DCC: variants seen among roughly 807,000 people sequenced by gnomAD.
DCC encodes the protein netrin receptor DCC.
In DCC, 58 loss-of-function variants were observed where a neutral mutation model predicts 172.5. The ratio of observed to expected loss-of-function variants is 0.34; its 90% confidence interval spans 0.27 to 0.42. The LOEUF is 0.42. DCC is among the 10% of genes least tolerant of loss of function. The probability of loss-of-function intolerance (pLI) is 1.00; values close to 1 mark genes in which losing one functional copy is unlikely to be tolerated. For synonymous variants in DCC, 709 were observed against 644.5 expected (o/e 1.10, Z -1.52); for missense variants, 1,740 against 1,791.0 (o/e 0.97, Z 0.51).
At chr18:52,881,892 G>A (rs763897349) in intron 2 of DCC, among the ~76,000 whole-genome samples, 1 of 152,052 alleles carries the variant, frequency 6.6e-6, no homozygotes, top group Non-Finnish European at 1.5e-5. Context: ...GCTTTGAGTA[G>A]TGTGGAAATT....
At chr18:52,549,634 A>G (rs2032709829) in intron 1 of DCC, among the ~76,000 whole-genome samples, 1 of 152,132 alleles carries the variant, frequency 6.6e-6, no homozygotes, top group South Asian at 2.1e-4. Flanking sequence ...ACCATGGTCT[A>G]GGACATTCAT....
intron 1 of DCC, among the ~76,000 whole-genome samples, chr18:52,466,347 G>A (rs1988785316): frequency 6.6e-6 from 1 of 152,116 alleles, no homozygotes; most frequent in Admixed American, 6.5e-5. Context: ...AATCAACGAA[G>A]TACAGCTATG....
intron 1 of DCC, among the ~76,000 whole-genome samples, chr18:52,720,522 C>T (rs1490921047): frequency 2.6e-5 from 4 of 152,148 alleles, no homozygotes; most frequent in African/African-American, 9.7e-5. Context: ...AATACTGGCA[C>T]ATGATACCTC....
intron 12 of DCC, among the ~76,000 whole-genome samples, chr18:53,259,748 A>G (rs1232336146): frequency 3.3e-5 from 5 of 152,124 alleles, no homozygotes; most frequent in Middle Eastern, 3.4e-3. Context: ...ATGAATTTGA[A>G]TATTGGCCTG....
chr18:53,334,284 A>G (rs1046157940), intron 14 of DCC, among the ~76,000 whole-genome samples: 4 of 152,178 alleles, frequency 2.6e-5, no homozygotes, highest in African/African-American at 9.7e-5. Context: ...AGTCAAGACC[A>G]TTTAAGATCT....
chr18:53,094,022 C>T (rs1044525954), intron 7 of DCC, among the ~76,000 whole-genome samples: 1 of 152,048 alleles, frequency 6.6e-6, no homozygotes, highest in Non-Finnish European at 1.5e-5. Context: ...AGTCGTCACC[C>T]ACAGAATTAT....
chr18:53,427,080 T>C (rs1911019240), intron 21 of DCC, among the ~76,000 whole-genome samples: 1 of 152,148 alleles, frequency 6.6e-6, no homozygotes, highest in Non-Finnish European at 1.5e-5. Context: ...CTTTTATGGA[T>C]CATTCCGTGG....
At chr18:52,743,461 A>C (rs1442533809) in intron 1 of DCC, among the ~76,000 whole-genome samples, 2 of 152,088 alleles carry the variant, frequency 1.3e-5, no homozygotes, top group Non-Finnish European at 2.9e-5. Context: ...GTTGGGCTGG[A>C]AAAAAAATTT....
At chr18:52,504,721 T>G (rs533258844) in intron 1 of DCC, among the ~76,000 whole-genome samples, 1 of 152,252 alleles carries the variant, frequency 6.6e-6, no homozygotes, top group Admixed American at 6.5e-5. Context: ...CACTCTCTCC[T>G]CCTGCTTCCC....
intron 2 of DCC, among the ~76,000 whole-genome samples, chr18:52,803,723 G>T (rs570348297): frequency 6.6e-6 from 1 of 152,102 alleles, no homozygotes; most frequent in South Asian, 2.1e-4. Flanking sequence ...TTCACACCTA[G>T]GTTGCTCAAG....
chr18:52,806,005 G>A (rs996261298), intron 2 of DCC, among the ~76,000 whole-genome samples: 1 of 152,180 alleles, frequency 6.6e-6, no homozygotes, highest in African/African-American at 2.4e-5. Context: ...CATGCTTGAG[G>A]TTTAAGGTGA....
chr18:52,962,103 C>A (rs1238918336), intron 5 of DCC, among the ~76,000 whole-genome samples: 3 of 150,042 alleles, frequency 2.0e-5, no homozygotes, highest in Non-Finnish European at 3.0e-5. Flanking sequence ...CCAAAATTGA[C>A]AAATGGGATC....
At chr18:53,227,246 A>G (rs576100743) in intron 12 of DCC, among the ~76,000 whole-genome samples, 13 of 152,060 alleles carry the variant, frequency 8.5e-5, no homozygotes, top group African/African-American at 3.1e-4. Context: ...ATGTCTGGCC[A>G]ATCTGAGTAT....
chr18:53,322,255 C>T (rs2057420304), intron 14 of DCC, 98 bp downstream of exon 14: 10 of 738,530 alleles, frequency 1.4e-5, no homozygotes, highest in Non-Finnish European at 2.2e-5. Context: ...ACTTTGGGGA[C>T]ATTGATTCTT....
Position 53,407,528 on chromosome 18 carries a change from G to GAGAT in DCC, c.2936-2923_2936-2922insGATA, listed in dbSNP as rs1555666923. Among the ~76,000 whole-genome samples, 4 of 117,446 alleles carry GAGAT rather than the reference G, an allele frequency of 3.4e-5. No homozygotes were observed. In the South Asian group the frequency reaches 1.0e-3, roughly 30 times the overall value. The allele number at this position is 117,446 out of a possible 152,430, so 77.0% of individuals were successfully genotyped here. On this transcript the variant is annotated intron_variant, in intron 19 of 28. Transcript: ENST00000442544. ...TATATCTCCAGTGATTTTTATTCTG[G>GAGAT]ATATATATATATATATATATATATA...
At chr18:52,933,737 T>C (rs2040342603) in intron 5 of DCC, among the ~76,000 whole-genome samples, 1 of 152,102 alleles carries the variant, frequency 6.6e-6, no homozygotes, top group African/African-American at 2.4e-5. Context: ...TTTCTTCATA[T>C]TTGTAGAGCT....
In DCC at chr18:53,515,164, T is replaced by G. The variant is rs914045393; in HGVS notation, c.4112-11453T>G. ...TTCAATATACGCAAATCAATAAATGTAATCCAGCATATAAACAGAGCCAAT... is the reference window on the plus strand; with the variant it reads ...TTCAATATACGCAAATCAATAAATGGAATCCAGCATATAAACAGAGCCAAT... On this transcript the variant is annotated intron_variant, in intron 27 of 28. Coordinates refer to ENST00000442544, the MANE Select transcript of DCC (RefSeq NM_005215.4). 4.5e-3 allele frequency among the ~76,000 whole-genome samples: 684 copies of G among 151,922 alleles called. 11 individuals are homozygous for G. The highest frequency in any genetic ancestry group is 0.014 in the Middle Eastern group (4 of 292).
At position 52,366,098 on chromosome 18, in the gene DCC, AAGG is replaced by A. The variant is rs376265329; in HGVS notation, c.91+25223_91+25225del. 1.5e-3 allele frequency among the ~76,000 whole-genome samples: 236 copies of A among 152,292 alleles called. 2 individuals carry two copies. Among genetic ancestry groups the A allele is most frequent in the African/African-American group, 5.4e-3 (223 of 41,554 alleles). ...AATGCCTATCATTTTTACGTATATG[AAGG>A]AGAAGAGAGAGATTTTAGCATGTGC... On this transcript the variant is annotated intron_variant, in intron 1 of 28. Coordinates refer to ENST00000442544, the MANE Select transcript of DCC (RefSeq NM_005215.4).
chr18:52,811,640 A>G (rs1431734), intron 2 of DCC, among the ~76,000 whole-genome samples: 113,649 of 152,050 alleles, frequency 0.75, 43,256 homozygotes, highest in East Asian at 0.88. Flanking sequence ...AGTACTACAA[A>G]CACAGTCATA....
Sources: allele counts gnomAD v4.1 joint callset (sites outside exome capture counted in the v4.1 genomes callset), GRCh38; gene constraint gnomAD v4.1.1; transcripts MANE v1.5; gene names NCBI Gene and HGNC (gene_info 2026-07-23, HGNC 2026-07-21).